Variants in B4GALNT3 observed in about 807,000 individuals in gnomAD.
B4GALNT3 encodes the protein beta-1,4-N-acetylgalactosaminyltransferase 3.
A neutral mutation model predicts 120.2 loss-of-function variants in B4GALNT3; 86 were observed. The observed-to-expected ratio is 0.72, with a 90% CI of 0.60 to 0.86. The LOEUF (loss-of-function observed/expected upper bound fraction) is 0.86. B4GALNT3 is among the 40% of genes least tolerant of loss of function. B4GALNT3 has a pLI of 0.00. For missense variants in B4GALNT3, 1,167 were observed against 1,298.9 expected, an observed-to-expected ratio of 0.90 and a Z score of 1.56; for synonymous variants, 518 against 510.4, an observed-to-expected ratio of 1.01 and a Z score of -0.20.
chr12:493,565 C>T (rs1946363232), intron 1 of B4GALNT3, among the ~76,000 whole-genome samples: 1 of 150,238 alleles, frequency 6.7e-6, no homozygotes, highest in Non-Finnish European at 1.5e-5. Context: ...GGAACTAAGA[C>T]CTTCTGTACA....
intron 1 of B4GALNT3, among the ~76,000 whole-genome samples, chr12:482,292 G>T (rs1946249672): frequency 6.6e-6 from 1 of 152,204 alleles, no homozygotes; most frequent in African/African-American, 2.4e-5. Flanking sequence ...TCGTCCGTCA[G>T]TGGCTTGCCA....
At chr12:547,951 G>A in intron 7 of B4GALNT3, 73 bp from the exon 8 acceptor site, 2 of 1,274,110 alleles carry the variant, frequency 1.6e-6, no homozygotes, top group Non-Finnish European at 2.3e-6. Flanking sequence ...GGTGCTGGAA[G>A]GGGGTGGGAC....
chr12:508,652 T>A (rs988400766), intron 1 of B4GALNT3, among the ~76,000 whole-genome samples: 130 of 152,292 alleles, frequency 8.5e-4, no homozygotes, highest in African/African-American at 3.0e-3. Context: ...AAACCCCATG[T>A]TCAACACTTC....
intron 1 of B4GALNT3, among the ~76,000 whole-genome samples, chr12:514,117 A>C (rs1592034929): frequency 6.6e-6 from 1 of 151,808 alleles, no homozygotes; most frequent in South Asian, 2.1e-4. Context: ...AATCGGCTAC[A>C]CCATTTTACA....
At chr12:494,499 T>G (rs1033582806) in intron 1 of B4GALNT3, among the ~76,000 whole-genome samples, 2 of 152,106 alleles carry the variant, frequency 1.3e-5, no homozygotes, top group African/African-American at 4.8e-5. Flanking sequence ...GGAGTCTCCC[T>G]CCCTCTTCCT....
At chr12:558,380 G>T (rs1947184520) in intron 17 of B4GALNT3, 128 bp from the exon 18 acceptor site, 2 of 915,368 alleles carry the variant, frequency 2.2e-6, no homozygotes, top group East Asian at 4.8e-5. Flanking sequence ...ACTCTGCCCA[G>T]CAGCTGGTTT....
intron 3 of B4GALNT3, among the ~76,000 whole-genome samples, chr12:541,100 G>A (rs1480223269): frequency 2.0e-5 from 3 of 152,210 alleles, no homozygotes; most frequent in Non-Finnish European, 4.4e-5. Flanking sequence ...TAGAACGAGA[G>A]TTCTGGAAGC....
chr12:524,925 T>C (rs368882114), intron 1 of B4GALNT3, among the ~76,000 whole-genome samples: 1 of 151,910 alleles, frequency 6.6e-6, no homozygotes, highest in African/African-American at 2.4e-5. Context: ...GTTAAACTTG[T>C]TGTGTTAAAC....
At chr12:552,329 A>G in intron 12 of B4GALNT3, 138 bp from the exon 13 acceptor site, 1 of 839,996 alleles carries the variant, frequency 1.2e-6, no homozygotes, top group South Asian at 1.7e-5. Flanking sequence ...ACACACACAC[A>G]CACACACCCG....
intron 1 of B4GALNT3, among the ~76,000 whole-genome samples, chr12:506,459 A>G (rs1474492907): frequency 6.6e-6 from 1 of 152,114 alleles, no homozygotes; most frequent in East Asian, 1.9e-4. Flanking sequence ...TCTACTTAAA[A>G]ACATTTTATT....
chr12:561,608 G>A lies in B4GALNT3; in HGVS notation c.*157G>A. The A allele has an allele frequency of 1.6e-6, 1 of 615,776 alleles. No individual in the cohort carries two copies. The allele number at this position is 615,776 out of a possible 1,614,324, so 38.1% of individuals were successfully genotyped here. ...CTCCACCTGGAGCTGTCCCCTCACA[G>A]AGGCAGGTTCCGGGGCTCCTGTCTC... On this transcript the variant is annotated 3_prime_UTR_variant, in exon 20 of 20. Transcript: ENST00000266383.
intron 1 of B4GALNT3, among the ~76,000 whole-genome samples, chr12:498,137 A>G (rs1312673541): frequency 6.6e-6 from 1 of 152,158 alleles, no homozygotes; most frequent in African/African-American, 2.4e-5. Context: ...TGGGCTTACT[A>G]GTACCTTGGC....
chr12:486,684 T>C (rs1257516906), intron 1 of B4GALNT3, among the ~76,000 whole-genome samples: 3 of 152,132 alleles, frequency 2.0e-5, no homozygotes, highest in African/African-American at 7.2e-5. Flanking sequence ...CAGAAGCTCA[T>C]TGAAAGACTG....
chr12:509,623 G>A lies in B4GALNT3; in HGVS notation c.170-25543G>A, dbSNP rs11836102. On this transcript the variant is annotated intron_variant, in intron 1 of 19. Coordinates refer to ENST00000266383, the MANE Select transcript of B4GALNT3 (RefSeq NM_173593.4). ...CACAAAGCCGGAAATGCCTGGGTAG[G>A]GGGGTGGCAAGAGCATGCGGTTCCA... is the stretch of plus-strand genomic sequence containing the variant. Among the ~76,000 whole-genome samples the A allele has an allele frequency of 6.9e-4, 105 of 152,252 alleles. No individual in the cohort carries two copies. The East Asian group carries it at 0.019, about 28-fold the overall frequency.
intron 1 of B4GALNT3, among the ~76,000 whole-genome samples, chr12:514,471 A>C (rs776205454): frequency 1.3e-5 from 2 of 151,968 alleles, no homozygotes; most frequent in East Asian, 1.9e-4. Flanking sequence ...TGCTGGGATT[A>C]CAGGCATGAG....
In B4GALNT3 at chr12:535,463, C is replaced by T. The variant is rs140397805; in HGVS notation, c.273+194C>T. On this transcript the variant is annotated intron_variant, in intron 2 of 19. Transcript: ENST00000266383. ...GATGTCCATCCAGCCTCCTCAAAGC[C>T]AGTAAAAGGAAACTTTTACTGGGGC... is the stretch of plus-strand genomic sequence containing the variant. 6.3e-3 allele frequency among the ~76,000 whole-genome samples: 954 copies of T among 152,294 alleles called. 11 individuals are homozygous for T. The highest frequency in any genetic ancestry group is 0.021 in the African/African-American group (875 of 41,560).
intron 1 of B4GALNT3, among the ~76,000 whole-genome samples, chr12:491,925 G>T (rs1946343162): frequency 6.6e-6 from 1 of 151,950 alleles, no homozygotes. Context: ...AGGTGTGGTG[G>T]TGGGTGCCTG....
At chr12:481,393 G>A (rs75731987) in intron 1 of B4GALNT3, among the ~76,000 whole-genome samples, 2,403 of 152,342 alleles carry the variant, frequency 0.016, 60 homozygotes, top group African/African-American at 0.054. Context: ...GACGGGGTAG[G>A]CACCATGGGT....
chr12:557,722 T>C lies in B4GALNT3; in HGVS notation c.2495T>C (p.Met832Thr). ...ATCACTGACTATAGCAGTGAGGACA[T>C]GGATGTTGAGATGGCACTGAAGAGG... ...IVITDYSSED[M>T]DVEMALKRSK... Residue 832 changes from methionine to threonine, a missense_variant, in exon 16 of 20, where the codon ATG becomes ACG. Physicochemically the swap from Met to Thr is moderately conservative, Grantham distance 81. Around this residue, in one of 3 missense-constraint regions of B4GALNT3, gnomAD observed 983 missense variants for 1,102.5 expected, o/e 0.89. Transcript: ENST00000266383. The C allele has an allele frequency of 1.2e-6, 2 of 1,604,046 alleles. No homozygotes were observed. Among genetic ancestry groups the C allele is most frequent in the Non-Finnish European group, 1.7e-6 (2 of 1,177,112 alleles).
Sources: gnomAD v4.1 joint callset for allele counts (sites outside exome capture counted in the v4.1 genomes callset) on GRCh38, gnomAD v4.1.1 for gene constraint, gnomAD v4.1.1 regional missense constraint, MANE v1.5 for transcripts, NCBI Gene and HGNC (gene_info 2026-07-23, HGNC 2026-07-21) for gene names.